The following SHQ1 variants were observed in gnomAD, a reference collection of about 807,000 sequenced individuals.
The protein encoded by SHQ1 is protein SHQ1 homolog.
In SHQ1, 49 loss-of-function variants were observed where a neutral mutation model predicts 53.8. The observed-to-expected ratio is 0.91, with a 90% CI of 0.72 to 1.16. The LOEUF is 1.16. Ranked by LOEUF, SHQ1 falls within the 50% of genes most tolerant of loss-of-function variation. The pLI is 0.00. For missense variants in SHQ1, 738 were observed against 683.1 expected (o/e 1.08, Z -0.90); for synonymous variants, 243 against 251.0 (o/e 0.97, Z 0.30).
At chr3:72,814,894 C>G (rs1166829711) in intron 8 of SHQ1, among the ~76,000 whole-genome samples, 1 of 152,142 alleles carries the variant, frequency 6.6e-6, no homozygotes, top group Non-Finnish European at 1.5e-5. Context: ...ACCTGCAATA[C>G]TTACCTCACA....
chr3:72,727,250 C>T, the SHQ1 span, among the ~76,000 whole-genome samples: 4 of 152,076 alleles, frequency 2.6e-5, no homozygotes, highest in South Asian at 6.2e-4. Context: ...TAGTTTCCAC[C>T]CGTCACCCCC....
intron 7 of SHQ1, among the ~76,000 whole-genome samples, chr3:72,815,857 A>G (rs1707296685): frequency 6.6e-6 from 1 of 152,186 alleles, no homozygotes; most frequent in Non-Finnish European, 1.5e-5. Flanking sequence ...GAGAATAAGT[A>G]AATGCTAGAG....
rs112671931 is a variant in SHQ1, at chr3:72,824,252, C to T, written c.727+172G>A. ...AACACAAATAAGCCTAATTATTTAG[C>T]GGCATTTTCCAGTCAGGGGCAAAGA... On this transcript the variant is annotated intron_variant, in intron 6 of 10. Transcript: ENST00000325599. Among the ~76,000 whole-genome samples the T allele has an allele frequency of 2.1e-3, 320 of 152,222 alleles. 2 individuals are homozygous for T. Among genetic ancestry groups the T allele is most frequent in the African/African-American group, 7.4e-3 (309 of 41,492 alleles).
intron 10 of SHQ1, among the ~76,000 whole-genome samples, chr3:72,758,242 C>T (rs1284921776): frequency 1.3e-5 from 2 of 152,166 alleles, no homozygotes; most frequent in Non-Finnish European, 2.9e-5. Flanking sequence ...GCACTTCCAG[C>T]GCAGCCATTA....
chr3:72,787,641 A>C (rs1706276506), intron 10 of SHQ1, among the ~76,000 whole-genome samples: 1 of 152,208 alleles, frequency 6.6e-6, no homozygotes, highest in African/African-American at 2.4e-5. Context: ...CATGAGTATA[A>C]AACAGGCTAC....
intron 10 of SHQ1, among the ~76,000 whole-genome samples, chr3:72,769,691 G>T (rs1705804561): frequency 6.6e-6 from 1 of 152,172 alleles, no homozygotes; most frequent in African/African-American, 2.4e-5. Context: ...CGGGGCCAGG[G>T]TTTGCTCAGC....
intron 10 of SHQ1, among the ~76,000 whole-genome samples, chr3:72,776,824 A>G (rs1705966049): frequency 6.6e-6 from 1 of 152,210 alleles, no homozygotes; most frequent in African/African-American, 2.4e-5. Flanking sequence ...ATAAAGCTAC[A>G]GTAATTAAGA....
the SHQ1 span, among the ~76,000 whole-genome samples, chr3:72,740,569 A>G: frequency 6.6e-6 from 1 of 152,172 alleles, no homozygotes; most frequent in South Asian, 2.1e-4. Flanking sequence ...CCTGTTACGT[A>G]TAAGAAAGGC....
At chr3:72,827,904 G>A (rs372252996) in intron 5 of SHQ1, among the ~76,000 whole-genome samples, 183 of 151,900 alleles carry the variant, frequency 1.2e-3, no homozygotes, top group Admixed American at 2.4e-3. Context: ...ACAGGCGCCC[G>A]CCACCATGCC....
In SHQ1 at chr3:72,832,499, A is replaced by G. The variant is rs1242731149; in HGVS notation, c.487-18T>C. On this transcript the variant is annotated intron_variant, in intron 4 of 10. Transcript: ENST00000325599. Reference sequence around the variant, plus strand: ...AGTTCATCCTGAGGACACCCAGAAAAGAAAGAATAATTGCTATCTCCTATT... The same window carrying G: ...AGTTCATCCTGAGGACACCCAGAAAGGAAAGAATAATTGCTATCTCCTATT... The G allele has an allele frequency of 2.5e-5, 38 of 1,529,462 alleles. No homozygotes were observed. Among genetic ancestry groups the G allele is most frequent in the Non-Finnish European group, 3.3e-5 (37 of 1,121,056 alleles). 94.7% of individuals were successfully genotyped at this position (1,529,462 alleles called of 1,614,324 possible). A position where few individuals can be genotyped will look rare whatever the true frequency, so the allele number is the denominator to read the frequency against.
rs745866597 is a variant in SHQ1, at chr3:72,842,296, T to C, written c.315A>G (p.Pro105=). 16 of 1,613,454 alleles carry C rather than the reference T, an allele frequency of 9.9e-6. No individual in the cohort carries two copies. Among genetic ancestry groups the C allele is most frequent in the Middle Eastern group, 1.6e-4 (1 of 6,078 alleles). Residue 105 remains proline (P), a synonymous_variant, in exon 3 of 11, where the codon CCA becomes CCG. Coordinates refer to ENST00000325599, the MANE Select transcript of SHQ1 (RefSeq NM_018130.3). The part of the protein sequence containing the change: ...LAPRKSRTAK[P]LVEEIGASEI... ...TAAACATACCTATTTCTTCCACAAG[T>C]GGTTTTGCTGTCCTGGATTTTCTTG...
chr3:72,825,409 C>T lies in SHQ1; in HGVS notation c.600-858G>A, dbSNP rs567157067. Among the ~76,000 whole-genome samples, 11 of 150,014 alleles carry T rather than the reference C, an allele frequency of 7.3e-5. No homozygotes were observed. In the South Asian group the frequency reaches 2.3e-3, roughly 31 times the overall value. On this transcript the variant is annotated intron_variant, in intron 5 of 10. Transcript: ENST00000325599. ...ACACACACACACACACCATTTTTGG[C>T]ATGTGCACTCATATTTTCTACCAAG... is the stretch of plus-strand genomic sequence containing the variant.
chr3:72,762,982 T>C (rs1024116877), intron 10 of SHQ1, among the ~76,000 whole-genome samples: 1 of 151,402 alleles, frequency 6.6e-6, no homozygotes, highest in Non-Finnish European at 1.5e-5. Context: ...TACTTTTAAT[T>C]TTCTTCTTTT....
At chr3:72,778,537 G>C (rs1210022142) in intron 10 of SHQ1, among the ~76,000 whole-genome samples, 2 of 152,010 alleles carry the variant, frequency 1.3e-5, no homozygotes. Context: ...TTTCATTTGT[G>C]TAATTGTATA....
intron 10 of SHQ1, 129 bp from the exon 11 acceptor site, chr3:72,750,965 A>C: frequency 1.5e-6 from 1 of 659,782 alleles, no homozygotes; most frequent in Non-Finnish European, 2.4e-6. Context: ...ATATATCATA[A>C]CAGATCCAAG....
intron 10 of SHQ1, among the ~76,000 whole-genome samples, chr3:72,774,598 T>C (rs9862529): frequency 0.02 from 3,011 of 152,228 alleles, 106 homozygotes; most frequent in African/African-American, 0.07. Flanking sequence ...TCAGAAAATA[T>C]GTGGAATGAA....
chr3:72,842,388 G>A lies in SHQ1; in HGVS notation c.223C>T (p.Arg75Cys), dbSNP rs755870786. Residue 75 changes from arginine (R) to cysteine (C), a missense_variant, in exon 3 of 11, where the codon CGC becomes TGC. Arg to Cys is a radical substitution (Grantham distance 180). Coordinates refer to ENST00000325599, the MANE Select transcript of SHQ1 (RefSeq NM_018130.3). ...YDADKGIFTI[R>C]LPKETPGQHF... ...TGGCCAGGGGTTTCTTTGGGCAGGCGAATGGTAAAAATTCCTTAAAGATAA... is the reference window on the plus strand; with the variant it reads ...TGGCCAGGGGTTTCTTTGGGCAGGCAAATGGTAAAAATTCCTTAAAGATAA... 6 of 1,613,188 alleles carry A rather than the reference G, an allele frequency of 3.7e-6. No homozygotes were observed. The highest frequency in any genetic ancestry group is 4.5e-5 in the East Asian group (2 of 44,848).
downstream of SHQ1, among the ~76,000 whole-genome samples, chr3:72,744,394 C>G (rs1705220570): frequency 6.6e-6 from 1 of 152,230 alleles, no homozygotes; most frequent in Admixed American, 6.5e-5. Context: ...CTGTTGTTTT[C>G]TTCCCAGTGC....
At chr3:72,792,319 T>C (rs1706463449) in intron 10 of SHQ1, among the ~76,000 whole-genome samples, 1 of 152,208 alleles carries the variant, frequency 6.6e-6, no homozygotes, top group Non-Finnish European at 1.5e-5. Flanking sequence ...AGGCAATCAA[T>C]ATCACAACTG....
Sources: gnomAD v4.1 joint callset for allele counts (sites outside exome capture counted in the v4.1 genomes callset) on GRCh38, gnomAD v4.1.1 for gene constraint, MANE v1.5 for transcripts, NCBI Gene and HGNC (gene_info 2026-07-23, HGNC 2026-07-21) for gene names.